Variants in DLGAP4 observed in about 807,000 individuals in gnomAD.
The protein encoded by DLGAP4 is DLG associated protein 4.
In DLGAP4, 18 loss-of-function variants were observed where a neutral mutation model predicts 86.9. The ratio of observed to expected loss-of-function variants is 0.21; its 90% CI spans 0.14 to 0.31. The LOEUF is 0.31. Among genes scored for constraint, DLGAP4 ranks in the 10% least tolerant of loss-of-function variants. The probability of loss-of-function intolerance (pLI) is 1.00; values close to 1 mark genes in which losing one functional copy is unlikely to be tolerated. For missense variants in DLGAP4, 1,085 were observed against 1,362.6 expected (o/e 0.80, Z 3.21); for synonymous variants, 548 against 574.3 (o/e 0.95, Z 0.65).
intron 7 of DLGAP4, among the ~76,000 whole-genome samples, chr20:36,475,684 A>T (rs1025868491): frequency 7.9e-5 from 12 of 152,240 alleles, no homozygotes; most frequent in African/African-American, 2.9e-4. Context: ...CCTTGCTCAC[A>T]AATACAGTTA....
At chr20:36,451,949 A>C (rs547677927) in intron 7 of DLGAP4, among the ~76,000 whole-genome samples, 3 of 151,644 alleles carry the variant, frequency 2.0e-5, no homozygotes, top group African/African-American at 7.3e-5. Flanking sequence ...TAGTAGAGAC[A>C]GGGTTTCTCC....
At chr20:36,342,303 C>T (rs782427243) in intron 1 of DLGAP4, among the ~76,000 whole-genome samples, 1 of 152,200 alleles carries the variant, frequency 6.6e-6, no homozygotes, top group Non-Finnish European at 1.5e-5. Flanking sequence ...AGCCAAGGCA[C>T]GGCCTCCAGA....
intron 1 of DLGAP4, among the ~76,000 whole-genome samples, chr20:36,336,773 A>G (rs1600409600): frequency 6.6e-6 from 1 of 151,910 alleles, no homozygotes; most frequent in Non-Finnish European, 1.5e-5. Context: ...TGATGTGCCC[A>G]CCCTTGACTG....
At chr20:36,463,189 G>A (rs1055750613) in intron 7 of DLGAP4, among the ~76,000 whole-genome samples, 1 of 152,160 alleles carries the variant, frequency 6.6e-6, no homozygotes, top group Non-Finnish European at 1.5e-5. Flanking sequence ...GACTTTGGTA[G>A]TCTAACCTCT....
At chr20:36,392,007 G>A (rs1240161866) in intron 2 of DLGAP4, among the ~76,000 whole-genome samples, 2 of 152,208 alleles carry the variant, frequency 1.3e-5, no homozygotes, top group East Asian at 1.9e-4. Context: ...CCTTAAACTC[G>A]CCCTGACTTC....
rs1017125369 is a variant in DLGAP4 at position 36,308,313 on chromosome 20, A to T, written c.-304+1801A>T. ...GGCGCTGGGGAGTGCAATGGCTGAC[A>T]GGGTCCCCACCTCCAGGAGCCTCTT... On this transcript the variant is annotated intron_variant, in intron 1 of 12. Coordinates refer to ENST00000339266, the MANE Select transcript of DLGAP4 (RefSeq NM_001365621.2). The surrounding 1 kb of genome is among the most constrained non-coding windows in gnomAD (Gnocchi z 4.5). Among the ~76,000 whole-genome samples the T allele has an allele frequency of 6.6e-6, 1 of 152,160 alleles. No homozygotes were observed. The highest frequency in any genetic ancestry group is 2.4e-5 in the African/African-American group (1 of 41,434).
intron 7 of DLGAP4, among the ~76,000 whole-genome samples, chr20:36,495,411 T>G (rs2035847546): frequency 1.3e-5 from 2 of 152,144 alleles, no homozygotes; most frequent in Admixed American, 1.3e-4. Context: ...AAGGCACAGT[T>G]TATCTGGCTC....
At chr20:36,476,687 ATTTTTTTTTTTTTTTTGGTTT>A (rs1282400767) in intron 7 of DLGAP4, among the ~76,000 whole-genome samples, 2 of 91,540 alleles carry the variant, frequency 2.2e-5, no homozygotes, top group Non-Finnish European at 3.7e-5. Flanking sequence ...CACTAGCCCA[ATTTTTTTTTTTTTTTTGGTTT>A]TTTTTTTTTT....
intron 10 of DLGAP4, among the ~76,000 whole-genome samples, chr20:36,501,220 C>G (rs2036132041): frequency 6.6e-6 from 1 of 152,106 alleles, no homozygotes; most frequent in South Asian, 2.1e-4. Context: ...CACGTGCCAC[C>G]ACACCTGGCT....
intron 7 of DLGAP4, among the ~76,000 whole-genome samples, chr20:36,472,711 A>T (rs1266143885): frequency 6.6e-6 from 1 of 152,112 alleles, no homozygotes; most frequent in East Asian, 1.9e-4. Flanking sequence ...TTCTAGTCGT[A>T]AAGTTTCACT....
intron 2 of DLGAP4, among the ~76,000 whole-genome samples, chr20:36,374,823 C>T (rs1017989450): frequency 6.6e-6 from 1 of 152,210 alleles, no homozygotes; most frequent in Non-Finnish European, 1.5e-5. Flanking sequence ...TTCACAGGAC[C>T]AAGTCCACAA....
chr20:36,527,299 A>AGAT lies in DLGAP4; in HGVS notation c.*269_*271dup. 3.1e-6 allele frequency: 1 copy of AGAT among 322,180 alleles called. No homozygotes were observed. Among genetic ancestry groups the AGAT allele is most frequent in the Middle Eastern group, 9.9e-4 (1 of 1,006 alleles). 20.0% of individuals were successfully genotyped at this position (322,180 alleles called of 1,614,324 possible). A position where few individuals can be genotyped will look rare whatever the true frequency, so the allele number is the denominator to read the frequency against. On this transcript the variant is annotated 3_prime_UTR_variant, in exon 13 of 13. Transcript: ENST00000339266. ...TTCCTCTTGCTGGCCGTGGTGGACT[A>AGAT]GATAGATGGACGTCGGCAACTCCCG...
At chr20:36,487,717 C>T (rs1426444534) in intron 7 of DLGAP4, among the ~76,000 whole-genome samples, 3 of 152,146 alleles carry the variant, frequency 2.0e-5, no homozygotes, top group African/African-American at 7.2e-5. Flanking sequence ...TTAGTGTCTT[C>T]CAGAAAGGCC....
chr20:36,495,281 G>A (rs950432248), intron 7 of DLGAP4, among the ~76,000 whole-genome samples: 15 of 152,124 alleles, frequency 9.9e-5, no homozygotes, highest in African/African-American at 3.6e-4. Context: ...TTATGTGATG[G>A]TATCTCATAG....
intron 11 of DLGAP4, among the ~76,000 whole-genome samples, chr20:36,525,317 G>C (rs1024861257): frequency 6.8e-6 from 1 of 147,936 alleles, no homozygotes; most frequent in African/African-American, 2.5e-5. Flanking sequence ...CCTGTTAGGA[G>C]GGCTGGCCCT....
intron 7 of DLGAP4, among the ~76,000 whole-genome samples, chr20:36,473,630 T>A (rs945750473): frequency 6.6e-6 from 1 of 152,204 alleles, no homozygotes; most frequent in African/African-American, 2.4e-5. Flanking sequence ...TATGATTTTT[T>A]AAAATAGAGA....
chr20:36,382,287 A>G (rs1405870531), intron 2 of DLGAP4, among the ~76,000 whole-genome samples: 3 of 151,740 alleles, frequency 2.0e-5, no homozygotes, highest in African/African-American at 7.3e-5. Context: ...TGGGGCAATC[A>G]TAGCTCACTG....
intron 10 of DLGAP4, among the ~76,000 whole-genome samples, chr20:36,508,600 G>C (rs540106258): frequency 6.6e-6 from 1 of 152,046 alleles, no homozygotes; most frequent in Non-Finnish European, 1.5e-5. Context: ...CTAATTTTTT[G>C]TATTTTTAGT....
intron 4 of DLGAP4, among the ~76,000 whole-genome samples, chr20:36,439,064 A>G (rs2033371937): frequency 6.6e-6 from 1 of 152,134 alleles, no homozygotes; most frequent in South Asian, 2.1e-4. Context: ...ATTCAAGGGA[A>G]GCAATAATAA....
Sources: allele counts gnomAD v4.1 joint callset (sites outside exome capture counted in the v4.1 genomes callset), GRCh38; gene constraint gnomAD v4.1.1; non-coding constraint Gnocchi (gnomAD v3.1); transcripts MANE v1.5; gene names NCBI Gene and HGNC (gene_info 2026-07-23, HGNC 2026-07-21).